The following AGAP1 variants were observed in gnomAD, a reference collection of about 807,000 sequenced individuals.
The protein encoded by AGAP1 is arf-GAP with GTPase, ANK repeat and PH domain-containing protein 1.
Under a neutral mutation model 105.3 loss-of-function variants are expected in AGAP1, and 29 were observed. That is an observed-to-expected ratio of 0.28 (90% CI 0.21 to 0.38). The LOEUF (loss-of-function observed/expected upper bound fraction) is 0.38. Ranked by LOEUF, AGAP1 falls within the 10% of genes least tolerant of loss-of-function variation. AGAP1 has a pLI of 1.00. For missense variants in AGAP1, 998 were observed against 1,165.1 expected (o/e 0.86, Z 2.09); for synonymous variants, 509 against 485.9 (o/e 1.05, Z -0.63).
intron 13 of AGAP1, among the ~76,000 whole-genome samples, chr2:235,975,548 C>T (rs1225473048): frequency 1.3e-5 from 2 of 152,138 alleles, no homozygotes; most frequent in South Asian, 4.1e-4. Context: ...GCACAAGGCT[C>T]TCATCTTTTC....
intron 16 of AGAP1, among the ~76,000 whole-genome samples, chr2:236,067,780 G>A (rs901612926): frequency 1.3e-5 from 2 of 152,188 alleles, no homozygotes; most frequent in South Asian, 4.1e-4. Flanking sequence ...CACGTGAGGT[G>A]AGACGAGGAA....
At chr2:235,626,507 A>G (rs1018115690) in intron 1 of AGAP1, among the ~76,000 whole-genome samples, 2 of 152,104 alleles carry the variant, frequency 1.3e-5, no homozygotes, top group Non-Finnish European at 2.9e-5. Flanking sequence ...AAAAGTACAT[A>G]TGTCTATAGC....
intron 6 of AGAP1, among the ~76,000 whole-genome samples, chr2:235,794,139 G>A (rs1957129542): frequency 6.6e-6 from 1 of 152,090 alleles, no homozygotes. Flanking sequence ...CCCATGGTGA[G>A]GCCAGCTTGG....
intron 1 of AGAP1, among the ~76,000 whole-genome samples, chr2:235,649,635 G>T (rs530260505): frequency 6.6e-6 from 1 of 152,162 alleles, no homozygotes; most frequent in African/African-American, 2.4e-5. Context: ...GCCTCCCAGA[G>T]TGCTAGGAAT....
chr2:236,121,775 G>C lies in AGAP1; in HGVS notation c.2370+1328G>C, dbSNP rs577819673. ...ATAACAAAATACCACAGACAGGGGTGCTTCAACAACAGACATTTATTTTTT... is the reference window on the plus strand; with the variant it reads ...ATAACAAAATACCACAGACAGGGGTCCTTCAACAACAGACATTTATTTTTT... On this transcript the variant is annotated intron_variant, in intron 17 of 17. Transcript: ENST00000304032. The surrounding 1 kb of genome is among the most constrained non-coding windows in gnomAD (Gnocchi z 4.9). 1.3e-5 allele frequency among the ~76,000 whole-genome samples: 2 copies of C among 152,338 alleles called. No individual in the cohort carries two copies. The highest frequency in any genetic ancestry group is 2.1e-4 in the South Asian group (1 of 4,826).
intron 9 of AGAP1, among the ~76,000 whole-genome samples, chr2:235,835,499 C>T (rs1960045511): frequency 6.6e-6 from 1 of 152,210 alleles, no homozygotes; most frequent in South Asian, 2.1e-4. Context: ...TCTTGTGTAA[C>T]CATTCTTATT....
chr2:235,608,933 C>T lies in AGAP1; in HGVS notation c.164-100246C>T, dbSNP rs1946038999. On this transcript the variant is annotated intron_variant, in intron 1 of 17. Transcript: ENST00000304032. This position sits in a 1 kb window ranked among gnomAD's most constrained non-coding sequence, Gnocchi z 5.4. ...TTGACTTCCCCCCCATCCCTAATAC[C>T]CCCAACTATGCAAATGATAGTACTA... is the stretch of plus-strand genomic sequence containing the variant. 6.6e-6 allele frequency among the ~76,000 whole-genome samples: 1 copy of T among 151,558 alleles called. No individual in the cohort carries two copies. Among genetic ancestry groups the T allele is most frequent in the African/African-American group, 2.4e-5 (1 of 41,170 alleles).
rs55784744 is a variant in AGAP1, at chr2:235,960,358, T to C, written c.1484-8104T>C. Among the ~76,000 whole-genome samples, 9,748 of 152,164 alleles carry C rather than the reference T, an allele frequency of 0.064. 1,027 individuals are homozygous for C. Among genetic ancestry groups the C allele is most frequent in the African/African-American group, 0.22 (9,277 of 41,480 alleles). On this transcript the variant is annotated intron_variant, in intron 12 of 17. Coordinates refer to ENST00000304032, the MANE Select transcript of AGAP1 (RefSeq NM_001037131.3). The surrounding 1 kb of genome is among the most constrained non-coding windows in gnomAD (Gnocchi z 4.9). ...GTGTCCTCTGAAAAGCTTGCCTCCT[T>C]CTCCCCGCAGTGGCCAGGACAAGGC... is the stretch of plus-strand genomic sequence containing the variant.
rs2058964168 is a variant in AGAP1 at position 236,087,546 on chromosome 2, A to G, written c.2115-32646A>G. 1.3e-5 allele frequency among the ~76,000 whole-genome samples: 2 copies of G among 152,168 alleles called. No individual in the cohort carries two copies. Among genetic ancestry groups the G allele is most frequent in the African/African-American group, 2.4e-5 (1 of 41,436 alleles). ...AGGACTGTGGTGCACACTGCCCATG[A>G]CGGGCTACTTGGACGGCTCATGCCC... On this transcript the variant is annotated intron_variant, in intron 16 of 17. Coordinates refer to ENST00000304032, the MANE Select transcript of AGAP1 (RefSeq NM_001037131.3). This position sits in a 1 kb window ranked among gnomAD's most constrained non-coding sequence, Gnocchi z 5.7.
At chr2:235,652,321 G>A (rs183047326) in intron 1 of AGAP1, among the ~76,000 whole-genome samples, 71 of 152,064 alleles carry the variant, frequency 4.7e-4, no homozygotes, top group African/African-American at 1.5e-3. Context: ...CTTCAGCCAC[G>A]CAGCCCTCAG....
chr2:235,656,114 C>T (rs1006205815), intron 1 of AGAP1, among the ~76,000 whole-genome samples: 3 of 152,202 alleles, frequency 2.0e-5, no homozygotes, highest in Non-Finnish European at 4.4e-5. Context: ...TCTGATTGGC[C>T]TCAGGGGGCC....
In AGAP1 at chr2:236,042,219, G is replaced by A. The variant is rs149744085; in HGVS notation, c.1891+1378G>A. On this transcript the variant is annotated intron_variant, in intron 15 of 17. Transcript: ENST00000304032. The surrounding 1 kb of genome is among the most constrained non-coding windows in gnomAD (Gnocchi z 5.6). ...GAGGCCAGCCAGGGTCGGCTTGGCC[G>A]GGAAGGGAGACAGGAGCCCAGGACT... Among the ~76,000 whole-genome samples, 877 of 152,206 alleles carry A rather than the reference G, an allele frequency of 5.8e-3. 9 individuals are homozygous for A. The highest frequency in any genetic ancestry group is 0.017 in the Middle Eastern group (5 of 294).
At chr2:235,561,169 C>G (rs990117323) in intron 1 of AGAP1, among the ~76,000 whole-genome samples, 3 of 152,186 alleles carry the variant, frequency 2.0e-5, no homozygotes, top group African/African-American at 7.2e-5. Flanking sequence ...TATGTGAACA[C>G]AGAGTTTCTG....
chr2:235,768,911 A>G (rs182188976), intron 6 of AGAP1, among the ~76,000 whole-genome samples: 1 of 152,320 alleles, frequency 6.6e-6, no homozygotes, highest in Admixed American at 6.5e-5. Flanking sequence ...CAGAAGAAGA[A>G]ACACCTGCTG....
At chr2:235,605,459 G>A (rs554663279) in intron 1 of AGAP1, among the ~76,000 whole-genome samples, 5 of 152,188 alleles carry the variant, frequency 3.3e-5, no homozygotes, top group East Asian at 1.9e-4. Flanking sequence ...AGACGACGCC[G>A]GCCCTTCCGG....
chr2:235,750,507 G>A lies in AGAP1; in HGVS notation c.673+19G>A. 6.2e-7 allele frequency: 1 copy of A among 1,614,022 alleles called. No individual in the cohort carries two copies. On this transcript the variant is annotated intron_variant, in intron 6 of 17. Coordinates refer to ENST00000304032, the MANE Select transcript of AGAP1 (RefSeq NM_001037131.3). The surrounding 1 kb of genome is among the most constrained non-coding windows in gnomAD (Gnocchi z 5.3). ...CAGGACGGTAAATGCGCGTGGCTGGGAGTTTAATTTCAGTTCATGATAGAC... is the reference window on the plus strand; with the variant it reads ...CAGGACGGTAAATGCGCGTGGCTGGAAGTTTAATTTCAGTTCATGATAGAC...
At chr2:235,794,610 T>TA (rs2150027332) in intron 6 of AGAP1, among the ~76,000 whole-genome samples, 1 of 152,320 alleles carries the variant, frequency 6.6e-6, no homozygotes, top group African/African-American at 2.4e-5. Context: ...TAGTTGGGAT[T>TA]ACAGGCATGC....
chr2:235,651,184 C>CAAAAAAAAAAAAAAAAAA lies in AGAP1; in HGVS notation c.164-57979_164-57962dup, dbSNP rs55990003. ...AGAGTGACAGAGTGAAACTCCATCT[C>CAAAAAAAAAAAAAAAAAA]AAAAAAAAAAAAAAAAAAAAAAAAA... On this transcript the variant is annotated intron_variant, in intron 1 of 17. Coordinates refer to ENST00000304032, the MANE Select transcript of AGAP1 (RefSeq NM_001037131.3). 7.4e-5 allele frequency among the ~76,000 whole-genome samples: 4 copies of CAAAAAAAAAAAAAAAAAA among 54,154 alleles called. 1 individual carries two copies. Among genetic ancestry groups the CAAAAAAAAAAAAAAAAAA allele is most frequent in the Non-Finnish European group, 1.5e-4 (4 of 27,100 alleles). The allele number at this position is 54,154 out of a possible 152,430, so 35.5% of individuals were successfully genotyped here.
Position 235,517,859 on chromosome 2 carries a change from C to T in AGAP1, c.163+23010C>T, listed in dbSNP as rs1942452974. Among the ~76,000 whole-genome samples the T allele has an allele frequency of 6.7e-6, 1 of 149,476 alleles. No individual in the cohort carries two copies. The highest frequency in any genetic ancestry group is 2.5e-5 in the African/African-American group (1 of 40,380). On this transcript the variant is annotated intron_variant, in intron 1 of 17. Transcript: ENST00000304032. The surrounding 1 kb of genome is among the most constrained non-coding windows in gnomAD (Gnocchi z 4.1). ...GGCTGAGGCAGGAGAATCTCTTGAA[C>T]CCGGGAAGTGTTGGAGTGAGCCAAG... is the stretch of plus-strand genomic sequence containing the variant.
Sources: gnomAD v4.1 joint callset for allele counts (sites outside exome capture counted in the v4.1 genomes callset) on GRCh38, gnomAD v4.1.1 for gene constraint, Gnocchi (gnomAD v3.1) non-coding constraint, MANE v1.5 for transcripts, NCBI Gene and HGNC (gene_info 2026-07-23, HGNC 2026-07-21) for gene names.